Variants in CAPZB observed in about 807,000 individuals in gnomAD.
CAPZB encodes the protein capping actin protein of muscle Z-line subunit beta.
In CAPZB, 2 loss-of-function variants were observed where a neutral mutation model predicts 38.1. The observed-to-expected ratio is 0.05, with a 90% CI of 0.02 to 0.17. CAPZB has a LOEUF of 0.17. Among genes scored for constraint, CAPZB ranks in the 10% least tolerant of loss-of-function variants. The pLI, the probability that CAPZB is intolerant of heterozygous loss-of-function variation, is 1.00. For synonymous variants in CAPZB, 107 were observed against 127.4 expected (o/e 0.84, Z 1.08); for missense variants, 161 against 334.2 (o/e 0.48, Z 4.04).
chr1:19,378,492 C>T (rs1294536109), intron 4 of CAPZB, 48 bp downstream of exon 4: 1 of 1,044,768 alleles, frequency 9.6e-7, no homozygotes, highest in East Asian at 2.4e-5. Flanking sequence ...TAGGATTTAC[C>T]TCTCAAAACT....
At chr1:19,446,708 A>G (rs2094497139) in intron 1 of CAPZB, among the ~76,000 whole-genome samples, 3 of 152,190 alleles carry the variant, frequency 2.0e-5, no homozygotes, top group Admixed American at 2.0e-4. Flanking sequence ...AGTGTTAAAA[A>G]CGTGGGAAAA....
intron 1 of CAPZB, among the ~76,000 whole-genome samples, chr1:19,466,471 C>T (rs879659875): frequency 2.6e-5 from 4 of 152,232 alleles, no homozygotes; most frequent in African/African-American, 4.8e-5. Context: ...AGCTTCCTCA[C>T]GGCGCAGGTG....
At chr1:19,450,836 A>C (rs1172782010) in intron 1 of CAPZB, among the ~76,000 whole-genome samples, 1 of 152,248 alleles carries the variant, frequency 6.6e-6, no homozygotes, top group Non-Finnish European at 1.5e-5. Context: ...GCAGACACAT[A>C]TACCACATTT....
In CAPZB at chr1:19,356,694, G is replaced by A; in HGVS notation, c.529C>T (p.Leu177=). 6.2e-7 allele frequency: 1 copy of A among 1,614,120 alleles called. No individual in the cohort carries two copies. Among genetic ancestry groups the A allele is most frequent in the Non-Finnish European group, 8.5e-7 (1 of 1,179,986 alleles). ...YKLTSTVMLW[L]QTNKSGSGTM... is the part of the protein sequence containing the mutation. ...CCAGAGCCAGATTTGTTGGTCTGCA[G>A]CCACAGCATCACCGTGGAGGTCAAC... The change falls in exon 6 of 9, where the codon CTG becomes TTG. Residue 177 remains leucine (L), a synonymous_variant. Transcript: ENST00000264202. This position sits in a 1 kb window ranked among gnomAD's most constrained non-coding sequence, Gnocchi z 4.3.
Position 19,339,131 on chromosome 1 carries a change from C to T in CAPZB, c.*399G>A. Reference sequence around the variant, plus strand: ...GATTTCCAGTTTTTCTTCTCTCTTTCACACACCACAGTTAGTTCATAAAAT... The same window carrying T: ...GATTTCCAGTTTTTCTTCTCTCTTTTACACACCACAGTTAGTTCATAAAAT... On this transcript the variant is annotated 3_prime_UTR_variant, in exon 9 of 9. Transcript: ENST00000264202. 2 of 171,660 alleles carry T rather than the reference C, an allele frequency of 1.2e-5. No homozygotes were observed. Among genetic ancestry groups the T allele is most frequent in the Non-Finnish European group, 2.5e-5 (2 of 81,130 alleles). The allele number at this position is 171,660 out of a possible 1,614,324, so 10.6% of individuals were successfully genotyped here.
intron 7 of CAPZB, among the ~76,000 whole-genome samples, 194 bp from the exon 8 acceptor site, chr1:19,344,628 C>CCA (rs886887467): frequency 9.9e-5 from 15 of 152,220 alleles, no homozygotes; most frequent in African/African-American, 3.6e-4. Flanking sequence ...ACCTTCCCAT[C>CCA]CACAGTCCAC....
At chr1:19,482,332 G>A (rs567155008) in intron 1 of CAPZB, among the ~76,000 whole-genome samples, 62 of 152,364 alleles carry the variant, frequency 4.1e-4, no homozygotes, top group African/African-American at 1.3e-3. Context: ...GTTGAACAAT[G>A]TGTCTTATCC....
At chr1:19,354,903 C>T (rs1451362927) in intron 6 of CAPZB, among the ~76,000 whole-genome samples, 2 of 152,164 alleles carry the variant, frequency 1.3e-5, no homozygotes, top group Non-Finnish European at 2.9e-5. Context: ...GCTGTTCCTC[C>T]CTAGCCAATG....
intron 2 of CAPZB, among the ~76,000 whole-genome samples, chr1:19,388,116 G>C (rs1422570820): frequency 2.6e-5 from 4 of 152,158 alleles, no homozygotes; most frequent in Admixed American, 6.5e-5. Context: ...CCTCAACGTA[G>C]GAAAGCTCAC....
rs10577923 is a variant in CAPZB at position 19,405,541 on chromosome 1, C to CAAAA, written c.93+14116_93+14119dup. Among the ~76,000 whole-genome samples, 64 of 96,482 alleles carry CAAAA rather than the reference C, an allele frequency of 6.6e-4. 2 individuals carry two copies. Among genetic ancestry groups the CAAAA allele is most frequent in the African/African-American group, 2.7e-3 (61 of 22,390 alleles). The allele number at this position is 96,482 out of a possible 152,430, so 63.3% of individuals were successfully genotyped here. A position where few individuals can be genotyped will look rare whatever the true frequency, so the allele number is the denominator to read the frequency against. ...TGTTCAACACATAGCTAGAAAGAGG[C>CAAAA]AAAAAAAAAAAAAAAAAAAAAAAAT... On this transcript the variant is annotated intron_variant, in intron 2 of 8. Coordinates refer to ENST00000264202, the MANE Select transcript of CAPZB (RefSeq NM_004930.5).
At chr1:19,466,315 A>G (rs2094569036) in intron 1 of CAPZB, among the ~76,000 whole-genome samples, 1 of 152,242 alleles carries the variant, frequency 6.6e-6, no homozygotes, top group African/African-American at 2.4e-5. Flanking sequence ...TCTTTGCACT[A>G]GACCAGGCTG....
intron 3 of CAPZB, among the ~76,000 whole-genome samples, chr1:19,380,232 T>C (rs1163205297): frequency 2.6e-5 from 4 of 152,094 alleles, no homozygotes; most frequent in Non-Finnish European, 5.9e-5. Context: ...CTGTGCTTGG[T>C]GTCCCCAAAG....
chr1:19,452,446 G>A (rs2094519575), intron 1 of CAPZB, among the ~76,000 whole-genome samples: 1 of 152,182 alleles, frequency 6.6e-6, no homozygotes, highest in Non-Finnish European at 1.5e-5. Flanking sequence ...AACATTCCCG[G>A]AACAATTCTA....
intron 4 of CAPZB, among the ~76,000 whole-genome samples, chr1:19,376,921 C>T (rs995921404): frequency 1.3e-5 from 2 of 152,222 alleles, no homozygotes; most frequent in African/African-American, 4.8e-5. Flanking sequence ...AGTTATATCA[C>T]CTTTCTGATC....
intron 2 of CAPZB, among the ~76,000 whole-genome samples, chr1:19,388,030 C>T (rs1251461120): frequency 1.3e-5 from 2 of 152,146 alleles, no homozygotes; most frequent in African/African-American, 2.4e-5. Context: ...TGTGAGGATC[C>T]GGTGCTTCAC....
chr1:19,359,520 C>T (rs548099112), intron 4 of CAPZB, among the ~76,000 whole-genome samples: 1 of 152,340 alleles, frequency 6.6e-6, no homozygotes, highest in African/African-American at 2.4e-5. Context: ...CTGTCCCATT[C>T]CCCTCTCCGG....
intron 4 of CAPZB, among the ~76,000 whole-genome samples, chr1:19,360,732 A>T (rs1211608875): frequency 6.6e-6 from 1 of 152,206 alleles, no homozygotes; most frequent in Non-Finnish European, 1.5e-5. Context: ...TTTCCACTCC[A>T]ATGTCCCACC....
At chr1:19,423,434 G>A (rs568201357) in intron 1 of CAPZB, among the ~76,000 whole-genome samples, 1 of 151,880 alleles carries the variant, frequency 6.6e-6, no homozygotes, top group East Asian at 1.9e-4. Context: ...GATGGGGACA[G>A]AGGGAGGGGG....
intron 1 of CAPZB, chr1:19,449,170 G>C: frequency 7.7e-7 from 1 of 1,297,844 alleles, no homozygotes; most frequent in East Asian, 3.1e-5. Flanking sequence ...CGCACAAAGT[G>C]CACTGCGGTG....
Sources: allele counts gnomAD v4.1 joint callset (sites outside exome capture counted in the v4.1 genomes callset), GRCh38; gene constraint gnomAD v4.1.1; non-coding constraint Gnocchi (gnomAD v3.1); transcripts MANE v1.5; gene names NCBI Gene and HGNC (gene_info 2026-07-23, HGNC 2026-07-21).